CD247: variants seen among roughly 807,000 people sequenced by gnomAD.
CD247 encodes the protein T-cell surface glycoprotein CD3 zeta chain.
A neutral mutation model predicts 30.0 loss-of-function variants in CD247; 13 were observed. That is an observed-to-expected ratio of 0.43 (90% CI 0.28 to 0.69). The LOEUF is 0.69. Ranked by LOEUF, CD247 falls within the 30% of genes least tolerant of loss-of-function variation. CD247 has a pLI of 0.16. For missense variants in CD247, 193 were observed against 212.6 expected (o/e 0.91, Z 0.57); for synonymous variants, 72 against 80.0 (o/e 0.90, Z 0.53).
intron 1 of CD247, among the ~76,000 whole-genome samples, chr1:167,498,068 G>A (rs974719922): frequency 1.3e-5 from 2 of 152,162 alleles, no homozygotes; most frequent in African/African-American, 4.8e-5. Context: ...TTGATCTTGG[G>A]GACCCTGGGA....
intron 1 of CD247, among the ~76,000 whole-genome samples, chr1:167,490,161 G>A (rs1041157900): frequency 3.9e-5 from 6 of 152,220 alleles, no homozygotes; most frequent in African/African-American, 1.4e-4. Flanking sequence ...GCGGCGGAAA[G>A]ATCGGGTGCA....
chr1:167,506,661 C>T (rs1179478087), intron 1 of CD247, among the ~76,000 whole-genome samples: 1 of 152,058 alleles, frequency 6.6e-6, no homozygotes, highest in African/African-American at 2.4e-5. Context: ...AGCCTAATCA[C>T]GATATTGCCA....
chr1:167,500,490 G>GATTACAACCAGCGCTTCTGGTAT (rs1274198613), intron 1 of CD247, among the ~76,000 whole-genome samples: 1 of 152,190 alleles, frequency 6.6e-6, no homozygotes, highest in African/African-American at 2.4e-5. Context: ...GAATTAGAGA[G>GATTACAACCAGCGCTTCTGGTAT]GTGGCCTGTA....
chr1:167,442,695 G>C (rs1036628987), intron 1 of CD247, among the ~76,000 whole-genome samples: 1 of 152,120 alleles, frequency 6.6e-6, no homozygotes, highest in African/African-American at 2.4e-5. Context: ...TATGGAAGCA[G>C]ATGATTCAAA....
rs574151491 is a variant in CD247, at chr1:167,464,766, A to C, written c.59-23999T>G. On this transcript the variant is annotated intron_variant, in intron 1 of 7. Coordinates refer to ENST00000362089, the MANE Select transcript of CD247 (RefSeq NM_198053.3). Reference sequence around the variant, plus strand: ...CCTGGGGACAGAAGATGACAACACTAACTTGAAACTTCAATTGTCTCTGTT... The same window carrying C: ...CCTGGGGACAGAAGATGACAACACTCACTTGAAACTTCAATTGTCTCTGTT... Among the ~76,000 whole-genome samples the C allele has an allele frequency of 1.3e-4, 20 of 152,330 alleles. No individual in the cohort carries two copies. In the South Asian group the frequency reaches 3.9e-3, roughly 30 times the overall value.
At chr1:167,504,783 A>G (rs1055496770) in intron 1 of CD247, among the ~76,000 whole-genome samples, 9 of 152,352 alleles carry the variant, frequency 5.9e-5, no homozygotes, top group African/African-American at 1.9e-4. Flanking sequence ...AATGGGCTTC[A>G]TTAAAAAGCC....
chr1:167,466,499 G>T (rs945233991), intron 1 of CD247, among the ~76,000 whole-genome samples: 1 of 151,646 alleles, frequency 6.6e-6, no homozygotes, highest in Admixed American at 6.6e-5. Flanking sequence ...TTATTGCCTT[G>T]TCCTGCTTTT....
At chr1:167,446,308 C>A (rs1348816351) in intron 1 of CD247, among the ~76,000 whole-genome samples, 1 of 152,178 alleles carries the variant, frequency 6.6e-6, no homozygotes, top group East Asian at 1.9e-4. Flanking sequence ...TCATTTGCAC[C>A]TTTCCCTCCT....
intron 1 of CD247, among the ~76,000 whole-genome samples, chr1:167,470,948 T>C (rs1308812298): frequency 1.3e-5 from 2 of 150,786 alleles, no homozygotes; most frequent in African/African-American, 4.9e-5. Context: ...CTCGGCTCAC[T>C]GCAACCTCCA....
At chr1:167,436,510 T>C (rs1219569691) in intron 4 of CD247, among the ~76,000 whole-genome samples, 1 of 152,122 alleles carries the variant, frequency 6.6e-6, no homozygotes, top group African/African-American at 2.4e-5. Flanking sequence ...CAATGGGAAA[T>C]GAATGGTCTC....
intron 1 of CD247, among the ~76,000 whole-genome samples, chr1:167,451,269 T>C (rs1652341809): frequency 6.6e-6 from 1 of 152,212 alleles, no homozygotes; most frequent in African/African-American, 2.4e-5. Context: ...GTTTTCTCTT[T>C]TGACAAGGAC....
At chr1:167,437,247 A>T (rs1004532865) in intron 4 of CD247, among the ~76,000 whole-genome samples, 9 of 152,030 alleles carry the variant, frequency 5.9e-5, no homozygotes, top group Non-Finnish European at 7.4e-5. Context: ...TACTAAAAAA[A>T]CTACAAAATT....
intron 1 of CD247, among the ~76,000 whole-genome samples, chr1:167,461,007 T>C (rs896935081): frequency 1.8e-4 from 28 of 152,260 alleles, no homozygotes; most frequent in Non-Finnish European, 3.2e-4. Flanking sequence ...GCCCACGCGC[T>C]GTGAGCATTC....
chr1:167,483,846 G>T (rs946179937), intron 1 of CD247, among the ~76,000 whole-genome samples: 1 of 152,170 alleles, frequency 6.6e-6, no homozygotes, highest in Non-Finnish European at 1.5e-5. Context: ...CTGAGTCCAA[G>T]AAGGGGTTCC....
At chr1:167,491,425 G>A (rs10918703) in intron 1 of CD247, among the ~76,000 whole-genome samples, 19,103 of 152,074 alleles carry the variant, frequency 0.13, 1,340 homozygotes, top group Middle Eastern at 0.19. Context: ...AAAATTAGCC[G>A]GACATGGTGG....
intron 1 of CD247, among the ~76,000 whole-genome samples, chr1:167,489,384 C>T (rs1000970403): frequency 6.6e-6 from 1 of 152,120 alleles, no homozygotes; most frequent in African/African-American, 2.4e-5. Context: ...TTAAAGATTT[C>T]CTGCCTGCTT....
intron 1 of CD247, among the ~76,000 whole-genome samples, chr1:167,445,465 C>T (rs990615590): frequency 4.6e-5 from 7 of 151,992 alleles, no homozygotes; most frequent in African/African-American, 7.3e-5. Flanking sequence ...TCTAGGCATA[C>T]GGGTCATTGT....
At position 167,472,474 on chromosome 1, in the gene CD247, G is replaced by A. The variant is rs184929797; in HGVS notation, c.59-31707C>T. On this transcript the variant is annotated intron_variant, in intron 1 of 7. Coordinates refer to ENST00000362089, the MANE Select transcript of CD247 (RefSeq NM_198053.3). ...ACTCACACACAGTGTGTGCACATGC[G>A]GGAAAGCAAGTCTAGCAAAATTTAT... is the stretch of plus-strand genomic sequence containing the variant. Among the ~76,000 whole-genome samples, 728 of 152,240 alleles carry A rather than the reference G, an allele frequency of 4.8e-3. 3 individuals carry two copies. The highest frequency in any genetic ancestry group is 7.2e-3 in the Non-Finnish European group (492 of 68,032).
chr1:167,515,199 T>G (rs1655551016), intron 1 of CD247, among the ~76,000 whole-genome samples: 1 of 152,210 alleles, frequency 6.6e-6, no homozygotes, highest in South Asian at 2.1e-4. Context: ...CTGGTATCAC[T>G]TAAAAGCTTG....
Sources: gnomAD v4.1 joint callset for allele counts (sites outside exome capture counted in the v4.1 genomes callset) on GRCh38, gnomAD v4.1.1 for gene constraint, MANE v1.5 for transcripts, NCBI Gene and HGNC (gene_info 2026-07-23, HGNC 2026-07-21) for gene names.